The following THSD7A variants were observed in gnomAD, a reference collection of about 807,000 sequenced individuals.
THSD7A encodes the protein thrombospondin type 1 domain containing 7A.
THSD7A carries 96 observed loss-of-function variants against 231.3 expected under a neutral mutation model. The observed-to-expected ratio is 0.41, with a 90% CI of 0.35 to 0.49. The LOEUF (loss-of-function observed/expected upper bound fraction) is 0.49, where lower values mean the gene tolerates loss of function less well. Among genes scored for constraint, THSD7A ranks in the 20% least tolerant of loss-of-function variants. The probability of loss-of-function intolerance (pLI) is 0.05; values close to 1 mark genes in which losing one functional copy is unlikely to be tolerated. For synonymous variants in THSD7A, 940 were observed against 743.3 expected (o/e 1.26, Z -4.30); for missense variants, 2,290 against 2,070.2 (o/e 1.11, Z -2.06).
At chr7:11,520,619 CATA>C (rs1408542760) in intron 6 of THSD7A, among the ~76,000 whole-genome samples, 1 of 152,016 alleles carries the variant, frequency 6.6e-6, no homozygotes, top group African/African-American at 2.4e-5. Context: ...CTTATGAGTA[CATA>C]ATATTTTTAG....
At chr7:11,605,769 C>T (rs1390991610) in intron 2 of THSD7A, among the ~76,000 whole-genome samples, 1 of 152,120 alleles carries the variant, frequency 6.6e-6, no homozygotes, top group Non-Finnish European at 1.5e-5. Context: ...GTTTCCAGAG[C>T]AACTTCCAGC....
chr7:11,783,240 T>C (rs1244045918), intron 1 of THSD7A, among the ~76,000 whole-genome samples: 1 of 152,172 alleles, frequency 6.6e-6, no homozygotes, highest in Non-Finnish European at 1.5e-5. Context: ...CCAAAAATCA[T>C]AGCGTAGCTA....
intron 1 of THSD7A, among the ~76,000 whole-genome samples, chr7:11,686,301 C>T (rs2128140662): frequency 6.6e-6 from 1 of 151,748 alleles, no homozygotes; most frequent in East Asian, 2.0e-4. Flanking sequence ...ATAATATACC[C>T]CTGTAATAAA....
rs1033372460 is a variant in THSD7A, at chr7:11,372,644, T to G, written c.*3150A>C. The G allele has an allele frequency of 1.3e-5, 2 of 151,994 alleles. No individual in the cohort carries two copies. The highest frequency in any genetic ancestry group is 2.9e-5 in the Non-Finnish European group (2 of 67,974). 9.4% of individuals were successfully genotyped at this position (151,994 alleles called of 1,614,324 possible). ...AAATCATATAATACTGTGTCAAACT[T>G]TTTCTGCTCTTCTTTTTTTAAAAAC... On this transcript the variant is annotated 3_prime_UTR_variant, in exon 28 of 28. Transcript: ENST00000423059.
chr7:11,714,733 A>G (rs546685665), intron 1 of THSD7A, among the ~76,000 whole-genome samples: 2 of 151,452 alleles, frequency 1.3e-5, no homozygotes, highest in South Asian at 4.1e-4. Context: ...GAAGCATTTG[A>G]CTAAATTTTC....
intron 1 of THSD7A, among the ~76,000 whole-genome samples, chr7:11,649,678 A>T (rs1275332100): frequency 6.6e-6 from 1 of 151,992 alleles, no homozygotes; most frequent in Non-Finnish European, 1.5e-5. Flanking sequence ...TGTTATTGGA[A>T]ACTTGAGGAA....
chr7:11,476,154 C>T (rs1357212024), intron 7 of THSD7A, among the ~76,000 whole-genome samples: 3 of 151,696 alleles, frequency 2.0e-5, no homozygotes, highest in Admixed American at 2.0e-4. Flanking sequence ...TAAAAATATG[C>T]CAGGCTTAAG....
intron 1 of THSD7A, among the ~76,000 whole-genome samples, chr7:11,727,610 C>T (rs1781592165): frequency 6.6e-6 from 1 of 151,786 alleles, no homozygotes; most frequent in Non-Finnish European, 1.5e-5. Context: ...ATGTGAAATA[C>T]TATATAAGAG....
intron 1 of THSD7A, among the ~76,000 whole-genome samples, chr7:11,816,019 C>T (rs1207591017): frequency 6.6e-6 from 1 of 152,168 alleles, no homozygotes. Context: ...GCTTATCTTT[C>T]AAACTTGTGT....
At chr7:11,391,701 T>A (rs956792016) in intron 23 of THSD7A, among the ~76,000 whole-genome samples, 1 of 152,144 alleles carries the variant, frequency 6.6e-6, no homozygotes, top group Non-Finnish European at 1.5e-5. Flanking sequence ...TCTTCCCAAA[T>A]TGCCACCCAG....
intron 1 of THSD7A, among the ~76,000 whole-genome samples, chr7:11,679,832 T>C (rs1449511348): frequency 3.9e-5 from 6 of 152,156 alleles, no homozygotes; most frequent in Middle Eastern, 3.4e-3. Context: ...CTTCATAGAA[T>C]TGGAAAAAAC....
intron 1 of THSD7A, among the ~76,000 whole-genome samples, chr7:11,762,765 A>T (rs1040398827): frequency 6.6e-6 from 1 of 152,036 alleles, no homozygotes; most frequent in Non-Finnish European, 1.5e-5. Flanking sequence ...AAGGTGAAAG[A>T]TCTCTACAAA....
At chr7:11,521,110 G>A (rs549353266) in intron 6 of THSD7A, among the ~76,000 whole-genome samples, 17 of 152,202 alleles carry the variant, frequency 1.1e-4, no homozygotes, top group African/African-American at 4.1e-4. Flanking sequence ...AAGGAACATA[G>A]TGATCATAAA....
chr7:11,453,631 C>T (rs1785214214), intron 11 of THSD7A, among the ~76,000 whole-genome samples: 2 of 151,944 alleles, frequency 1.3e-5, no homozygotes, highest in Non-Finnish European at 2.9e-5. Flanking sequence ...CTAGTTCCAT[C>T]TAATCTACAG....
At position 11,637,524 on chromosome 7, in the gene THSD7A, T is replaced by C. The variant is rs1359816136; in HGVS notation, c.191-563A>G. Among the ~76,000 whole-genome samples, 3 of 151,938 alleles carry C rather than the reference T, an allele frequency of 2.0e-5. No individual in the cohort carries two copies. Among genetic ancestry groups the C allele is most frequent in the African/African-American group, 7.3e-5 (3 of 41,312 alleles). On this transcript the variant is annotated intron_variant, in intron 1 of 27. Coordinates refer to ENST00000423059, the MANE Select transcript of THSD7A (RefSeq NM_015204.3). The surrounding 1 kb of genome is among the most constrained non-coding windows in gnomAD (Gnocchi z 4.2). The stretch of plus-strand genomic sequence containing the variant: ...AGAGCTTAAAGTGTTCACTCTCTGG[T>C]TATCAAAACTAAGAAGCAAAAATCT...
intron 13 of THSD7A, among the ~76,000 whole-genome samples, chr7:11,432,426 C>A (rs973156358): frequency 3.3e-5 from 5 of 152,036 alleles, no homozygotes; most frequent in Non-Finnish European, 4.4e-5. Context: ...TGAACACACC[C>A]CTGAAATCAA....
chr7:11,606,155 G>T (rs1780725719), intron 2 of THSD7A, among the ~76,000 whole-genome samples: 1 of 152,140 alleles, frequency 6.6e-6, no homozygotes, highest in Admixed American at 6.6e-5. Context: ...ACAGCAATTT[G>T]AAATTGCTGT....
At chr7:11,824,658 A>C (rs1044442411) in intron 1 of THSD7A, among the ~76,000 whole-genome samples, 9 of 152,136 alleles carry the variant, frequency 5.9e-5, no homozygotes, top group African/African-American at 2.2e-4. Flanking sequence ...TTTTGATCCA[A>C]CCAACCAATA....
chr7:11,646,482 T>C lies in THSD7A; in HGVS notation c.191-9521A>G, dbSNP rs535890062. Among the ~76,000 whole-genome samples the C allele has an allele frequency of 7.2e-5, 11 of 152,128 alleles. No homozygotes were observed. The East Asian group carries it at 2.1e-3, about 30-fold the overall frequency. The stretch of plus-strand genomic sequence containing the variant: ...CTAGCAAATCTAGTAAATGCATATG[T>C]TTGTGAGTGTTTAAAATAGGTTGTC... On this transcript the variant is annotated intron_variant, in intron 1 of 27. Coordinates refer to ENST00000423059, the MANE Select transcript of THSD7A (RefSeq NM_015204.3).
Sources: gnomAD v4.1 joint callset for allele counts (sites outside exome capture counted in the v4.1 genomes callset) on GRCh38, gnomAD v4.1.1 for gene constraint, Gnocchi (gnomAD v3.1) non-coding constraint, MANE v1.5 for transcripts, NCBI Gene and HGNC (gene_info 2026-07-23, HGNC 2026-07-21) for gene names.